The following SLC15A4 variants were observed in gnomAD, a reference collection of about 807,000 sequenced individuals.
SLC15A4 encodes the protein solute carrier family 15 member 4.
In SLC15A4, 26 loss-of-function variants were observed where a neutral mutation model predicts 46.1. That is an observed-to-expected ratio of 0.56 (90% confidence interval 0.41 to 0.78). The LOEUF (loss-of-function observed/expected upper bound fraction) is 0.78, where lower values mean the gene tolerates loss of function less well. SLC15A4 is among the 30% of genes least tolerant of loss of function. The pLI is 0.00. For synonymous variants in SLC15A4, 370 were observed against 333.4 expected (o/e 1.11, Z -1.20); for missense variants, 751 against 755.7 (o/e 0.99, Z 0.07).
chr12:128,818,233 G>A (rs1041690794), intron 1 of SLC15A4, among the ~76,000 whole-genome samples: 17 of 151,704 alleles, frequency 1.1e-4, no homozygotes, highest in South Asian at 4.1e-4. Context: ...TGATTTACAC[G>A]AACATACGTC....
intron 7 of SLC15A4, among the ~76,000 whole-genome samples, chr12:128,795,239 G>A (rs1371731831): frequency 2.0e-5 from 3 of 152,180 alleles, no homozygotes; most frequent in Non-Finnish European, 2.9e-5. Flanking sequence ...AGGAAGAGAT[G>A]AGCTGGTTTC....
intron 2 of SLC15A4, among the ~76,000 whole-genome samples, chr12:128,811,700 C>T (rs917228187): frequency 2.0e-5 from 3 of 152,234 alleles, no homozygotes; most frequent in African/African-American, 7.2e-5. Context: ...CAGATACTAT[C>T]AGTGGTTTAC....
At chr12:128,819,857 A>T (rs759459378) in intron 1 of SLC15A4, 4 of 152,238 alleles carry the variant, frequency 2.6e-5, no homozygotes, top group Non-Finnish European at 5.9e-5. Context: ...AAGAAGTATC[A>T]ATTACTCGCC....
At chr12:128,809,596 T>C (rs774814043) in intron 3 of SLC15A4, 123 bp from the exon 4 acceptor site, 7 of 648,914 alleles carry the variant, frequency 1.1e-5, no homozygotes, top group Non-Finnish European at 1.9e-5. Flanking sequence ...AAATAGACAA[T>C]GGCTCAAGTT....
intron 4 of SLC15A4, 34 bp downstream of exon 4, chr12:128,809,362 A>G (rs376191915): frequency 8.9e-5 from 125 of 1,402,204 alleles, no homozygotes; most frequent in Non-Finnish European, 1.2e-4. Context: ...TAAGTCCAAA[A>G]TAACAATGTT....
At chr12:128,808,496 G>A (rs908773423) in intron 5 of SLC15A4, among the ~76,000 whole-genome samples, 2 of 152,182 alleles carry the variant, frequency 1.3e-5, no homozygotes, top group African/African-American at 4.8e-5. Context: ...GCATTCAATA[G>A]CCTAATTCTA....
At chr12:128,817,278 T>C (rs1001504329) in intron 1 of SLC15A4, among the ~76,000 whole-genome samples, 2 of 152,192 alleles carry the variant, frequency 1.3e-5, no homozygotes, top group Non-Finnish European at 2.9e-5. Context: ...CATTTAAATA[T>C]TGCTCAACAG....
At chr12:128,809,042 T>C in intron 4 of SLC15A4, 86 bp from the exon 5 acceptor site, 1 of 1,289,962 alleles carries the variant, frequency 7.8e-7, no homozygotes, top group Admixed American at 2.1e-5. Flanking sequence ...ATGGGAGAAA[T>C]GCACGTAAAG....
intron 2 of SLC15A4, among the ~76,000 whole-genome samples, chr12:128,810,581 C>A (rs10773580): frequency 0.69 from 105,518 of 151,986 alleles, 37,149 homozygotes; most frequent in East Asian, 0.77. Flanking sequence ...AGCCAATACC[C>A]ATGCTGTTAA....
In SLC15A4 at chr12:128,793,375, T is replaced by C. The variant is rs1955406596; in HGVS notation, c.*821A>G. ...CTTTCAATTATTTTTAATTACACTA[T>C]TTCTGTTCAAAAGAATGTTTTCCTT... is the stretch of plus-strand genomic sequence containing the variant. On this transcript the variant is annotated 3_prime_UTR_variant, in exon 8 of 8. Coordinates refer to ENST00000266771, the MANE Select transcript of SLC15A4 (RefSeq NM_145648.4). 1 of 152,212 alleles carries C rather than the reference T, an allele frequency of 6.6e-6. No individual in the cohort carries two copies. Among genetic ancestry groups the C allele is most frequent in the African/African-American group, 2.4e-5 (1 of 41,454 alleles). 9.4% of individuals were successfully genotyped at this position (152,212 alleles called of 1,614,324 possible). A position where few individuals can be genotyped will look rare whatever the true frequency, so the allele number is the denominator to read the frequency against.
intron 1 of SLC15A4, among the ~76,000 whole-genome samples, chr12:128,817,072 T>C (rs911880995): frequency 2.0e-5 from 3 of 152,222 alleles, no homozygotes; most frequent in African/African-American, 7.2e-5. Flanking sequence ...TAATTAATTA[T>C]ATATAGTAAC....
intron 1 of SLC15A4, among the ~76,000 whole-genome samples, chr12:128,818,003 T>C (rs775025573): frequency 7.3e-5 from 11 of 151,556 alleles, no homozygotes; most frequent in Non-Finnish European, 1.3e-4. Flanking sequence ...GCTAAAAGAA[T>C]AGAATTGTGT....
rs753617005 is a variant in SLC15A4 at position 128,793,274 on chromosome 12, C to T, written c.*922G>A. 1.7e-4 allele frequency: 26 copies of T among 152,174 alleles called. No individual in the cohort carries two copies. Among genetic ancestry groups the T allele is most frequent in the Admixed American group, 1.5e-3 (23 of 15,276 alleles). The allele number at this position is 152,174 out of a possible 1,614,324, so 9.4% of individuals were successfully genotyped here. The stretch of plus-strand genomic sequence containing the variant: ...CAAATACAGAAAAAGTATTAACAAA[C>T]GGAGAAGCCCCAGATACACGTACAG... On this transcript the variant is annotated 3_prime_UTR_variant, in exon 8 of 8. Transcript: ENST00000266771.
At chr12:128,808,604 C>G (rs1292022856) in intron 5 of SLC15A4, among the ~76,000 whole-genome samples, 184 bp downstream of exon 5, 1 of 152,150 alleles carries the variant, frequency 6.6e-6, no homozygotes, top group Non-Finnish European at 1.5e-5. Context: ...ATGACGTATC[C>G]TTAGGAAAAT....
intron 2 of SLC15A4, among the ~76,000 whole-genome samples, chr12:128,810,545 T>C (rs184174942): frequency 1.3e-3 from 195 of 152,314 alleles, no homozygotes; most frequent in African/African-American, 4.5e-3. Flanking sequence ...TTTAATCAGC[T>C]AATTTATCAA....
chr12:128,799,326 C>A lies in SLC15A4; in HGVS notation c.1506G>T (p.Val502=). 1 of 1,614,150 alleles carries A rather than the reference C, an allele frequency of 6.2e-7. No individual in the cohort carries two copies. Among genetic ancestry groups the A allele is most frequent in the South Asian group, 1.1e-5 (1 of 91,082 alleles). The change falls in exon 7 of 8, where the codon GTG becomes GTT. Residue 502 remains valine, a synonymous_variant. Coordinates refer to ENST00000266771, the MANE Select transcript of SLC15A4 (RefSeq NM_145648.4). ...ACACCAGTGCCAGCAGTCCAGAACCCACGAACGACCCGACGCCAGAGAAGA... is the reference window on the plus strand; with the variant it reads ...ACACCAGTGCCAGCAGTCCAGAACCAACGAACGACCCGACGCCAGAGAAGA... ...FFFFSGVGSF[V]GSGLLALVSI...
At chr12:128,807,627 T>C (rs963173627) in intron 5 of SLC15A4, among the ~76,000 whole-genome samples, 2 of 152,216 alleles carry the variant, frequency 1.3e-5, no homozygotes, top group Non-Finnish European at 2.9e-5. Flanking sequence ...AGACAGCCCT[T>C]CTGCAGGCGC....
At chr12:128,799,213 C>T (rs886417841) in intron 7 of SLC15A4, 46 bp downstream of exon 7, 2 of 1,606,754 alleles carry the variant, frequency 1.2e-6, no homozygotes, top group African/African-American at 1.3e-5. Flanking sequence ...GCCTGCGCCT[C>T]CCCCTCACTG....
At chr12:128,815,266 C>T (rs868339407) in intron 1 of SLC15A4, 196 bp from the exon 2 acceptor site, 1 of 429,614 alleles carries the variant, frequency 2.3e-6, no homozygotes, top group Middle Eastern at 6.0e-4. Context: ...ACTACAGTTG[C>T]TAGGTAGGTT....
Sources: allele counts gnomAD v4.1 joint callset (sites outside exome capture counted in the v4.1 genomes callset), GRCh38; gene constraint gnomAD v4.1.1; transcripts MANE v1.5; gene names NCBI Gene and HGNC (gene_info 2026-07-23, HGNC 2026-07-21).